The following ZNF385B variants were observed in gnomAD, a reference collection of about 807,000 sequenced individuals.
The protein encoded by ZNF385B is zinc finger protein 385B.
ZNF385B carries 23 observed loss-of-function variants against 39.2 expected under a neutral mutation model. The ratio of observed to expected loss-of-function variants is 0.59; its 90% CI spans 0.42 to 0.83. The LOEUF (loss-of-function observed/expected upper bound fraction) is 0.83. ZNF385B is among the 40% of genes least tolerant of loss of function. The pLI is 0.00. For missense variants in ZNF385B, 552 were observed against 598.9 expected (o/e 0.92, Z 0.82); for synonymous variants, 205 against 222.6 (o/e 0.92, Z 0.70).
At chr2:179,578,815 C>T (rs1466967043) in intron 3 of ZNF385B, among the ~76,000 whole-genome samples, 3 of 152,030 alleles carry the variant, frequency 2.0e-5, no homozygotes, top group Non-Finnish European at 4.4e-5. Context: ...AACTTTGCAT[C>T]AAGTGTGTTA....
intron 5 of ZNF385B, among the ~76,000 whole-genome samples, chr2:179,518,121 ATAAT>A (rs1300627414): frequency 6.6e-6 from 1 of 152,204 alleles, no homozygotes; most frequent in Non-Finnish European, 1.5e-5. Flanking sequence ...ACAAGTGAAT[ATAAT>A]TAGTGAGATT....
At chr2:179,608,384 A>T (rs1431265847) in intron 3 of ZNF385B, among the ~76,000 whole-genome samples, 3 of 152,278 alleles carry the variant, frequency 2.0e-5, no homozygotes, top group East Asian at 3.9e-4. Flanking sequence ...GTTTGGTGGA[A>T]ATCTTCCTTG....
intron 3 of ZNF385B, among the ~76,000 whole-genome samples, chr2:179,568,780 A>T (rs1574841174): frequency 6.6e-6 from 1 of 152,220 alleles, no homozygotes; most frequent in African/African-American, 2.4e-5. Context: ...CACAGATGTC[A>T]GTGAAGCCAT....
intron 3 of ZNF385B, among the ~76,000 whole-genome samples, chr2:179,750,968 T>C (rs1702633623): frequency 6.6e-6 from 1 of 152,110 alleles, no homozygotes. Context: ...AAATACATTA[T>C]CATACTGATG....
chr2:179,756,179 T>C, intron 3 of ZNF385B, among the ~76,000 whole-genome samples: 1 of 152,012 alleles, frequency 6.6e-6, no homozygotes, highest in East Asian at 1.9e-4. Flanking sequence ...GGCCTGGTGG[T>C]GACAAAATCT....
chr2:179,531,404 G>T (rs962930373), intron 4 of ZNF385B, among the ~76,000 whole-genome samples: 13 of 152,102 alleles, frequency 8.5e-5, no homozygotes, highest in Non-Finnish European at 1.8e-4. Flanking sequence ...GGGAGACCGA[G>T]GTGGGAGGAT....
At chr2:179,480,549 C>A (rs771960147) in intron 6 of ZNF385B, among the ~76,000 whole-genome samples, 1 of 152,132 alleles carries the variant, frequency 6.6e-6, no homozygotes, top group Non-Finnish European at 1.5e-5. Context: ...TTAGGTATTA[C>A]GTTGTTTGGA....
intron 3 of ZNF385B, among the ~76,000 whole-genome samples, chr2:179,559,761 TTGTG>T (rs1213331148): frequency 2.0e-5 from 3 of 152,070 alleles, no homozygotes; most frequent in Non-Finnish European, 4.4e-5. Flanking sequence ...ACATGGTTAC[TTGTG>T]TGTGTGGTAA....
At chr2:179,568,342 T>C (rs1465529640) in intron 3 of ZNF385B, among the ~76,000 whole-genome samples, 2 of 152,186 alleles carry the variant, frequency 1.3e-5, no homozygotes, top group Non-Finnish European at 2.9e-5. Context: ...GTTTTACTTG[T>C]TTACTTGTTC....
chr2:179,835,938 G>A (rs1020030202), intron 1 of ZNF385B, among the ~76,000 whole-genome samples: 24 of 152,112 alleles, frequency 1.6e-4, no homozygotes, highest in African/African-American at 5.1e-4. Context: ...AAATCGTTAA[G>A]TGTATAATAC....
At chr2:179,483,567 G>C (rs2054240934) in intron 5 of ZNF385B, 133 bp from the exon 6 acceptor site, 2 of 1,205,774 alleles carry the variant, frequency 1.7e-6, no homozygotes, top group Non-Finnish European at 2.3e-6. Flanking sequence ...CTATGTTTTT[G>C]GCACTTCATG....
chr2:179,493,783 A>ATATATG (rs1559338449), intron 5 of ZNF385B, among the ~76,000 whole-genome samples: 8 of 103,040 alleles, frequency 7.8e-5, no homozygotes, highest in East Asian at 2.1e-4. Flanking sequence ...ATGTATATAC[A>ATATATG]CATATGTATA....
chr2:179,657,802 A>G (rs1693969504), intron 3 of ZNF385B, among the ~76,000 whole-genome samples: 1 of 152,196 alleles, frequency 6.6e-6, no homozygotes, highest in African/African-American at 2.4e-5. Flanking sequence ...AATATTACCT[A>G]TTTAATCGTT....
At chr2:179,709,658 TG>T (rs1699862538) in intron 3 of ZNF385B, among the ~76,000 whole-genome samples, 1 of 152,152 alleles carries the variant, frequency 6.6e-6, no homozygotes, top group South Asian at 2.1e-4. Flanking sequence ...AGTGAAGAAC[TG>T]GGGCCTGCTA....
intron 1 of ZNF385B, among the ~76,000 whole-genome samples, chr2:179,780,125 G>C (rs193189546): frequency 1.2e-3 from 182 of 152,248 alleles, no homozygotes; most frequent in African/African-American, 4.0e-3. Flanking sequence ...CGCTATTTGA[G>C]AGTAGGTTCT....
intron 1 of ZNF385B, among the ~76,000 whole-genome samples, chr2:179,790,129 A>C (rs1575495204): frequency 6.6e-6 from 1 of 151,860 alleles, no homozygotes; most frequent in East Asian, 1.9e-4. Context: ...AAGTGAGAAA[A>C]CTCCCTGAGG....
Position 179,828,010 on chromosome 2 carries a change from G to A in ZNF385B, c.-155+33091C>T, listed in dbSNP as rs558639214. On this transcript the variant is annotated intron_variant, in intron 1 of 9. Transcript: ENST00000410066. ...TTTGTCTGTGTTGCTGGGTATAACTGTAAATTATTTGTTTTCATTTATGTA... is the reference window on the plus strand; with the variant it reads ...TTTGTCTGTGTTGCTGGGTATAACTATAAATTATTTGTTTTCATTTATGTA... 9.9e-5 allele frequency among the ~76,000 whole-genome samples: 15 copies of A among 152,138 alleles called. No individual in the cohort carries two copies. In the South Asian group the frequency reaches 3.1e-3, roughly 32 times the overall value.
intron 1 of ZNF385B, among the ~76,000 whole-genome samples, chr2:179,798,989 A>G (rs1187817908): frequency 6.6e-6 from 1 of 152,016 alleles, no homozygotes; most frequent in Non-Finnish European, 1.5e-5. Flanking sequence ...ATTCTATTTT[A>G]GTGATTTGGT....
intron 1 of ZNF385B, chr2:179,814,540 GCAA>G: frequency 5.1e-6 from 4 of 776,840 alleles, no homozygotes; most frequent in South Asian, 4.0e-5. Flanking sequence ...TTGGGGACTG[GCAA>G]CAACAAGATT....
Sources: allele counts gnomAD v4.1 joint callset (sites outside exome capture counted in the v4.1 genomes callset), GRCh38; gene constraint gnomAD v4.1.1; transcripts MANE v1.5; gene names NCBI Gene and HGNC (gene_info 2026-07-23, HGNC 2026-07-21).